ARAP1: variants seen among roughly 807,000 people sequenced by gnomAD.
ARAP1 encodes arf-GAP with Rho-GAP domain, ANK repeat and PH domain-containing protein 1.
In ARAP1, 76 loss-of-function variants were observed where a neutral mutation model predicts 172.2. The observed-to-expected ratio is 0.44, with a 90% CI of 0.37 to 0.53. ARAP1 has a LOEUF of 0.53. Among genes scored for constraint, ARAP1 ranks in the 20% least tolerant of loss-of-function variants. The pLI is 0.00. For synonymous variants in ARAP1, 804 were observed against 803.3 expected, an observed-to-expected ratio of 1.00 and a Z score of -0.01; for missense variants, 1,686 against 1,977.5, an observed-to-expected ratio of 0.85 and a Z score of 2.80.
chr11:72,703,559 TG>T (rs1482932165), intron 14 of ARAP1: 1 of 161,176 alleles, frequency 6.2e-6, no homozygotes. Context: ...CCCTGGGAGG[TG>T]GAGGCCTGAC....
chr11:72,747,012 C>A lies in ARAP1; in HGVS notation c.-128+5316G>T, dbSNP rs147003183. On this transcript the variant is annotated intron_variant, in intron 1 of 34. Transcript: ENST00000393609. ...AGGGGAGACCCTGGCACCTGGAAAG[C>A]CGAAATGCAGTGGCAGCTCAGCCTT... is the stretch of plus-strand genomic sequence containing the variant. 9.1e-3 allele frequency among the ~76,000 whole-genome samples: 1,385 copies of A among 152,316 alleles called. 10 individuals are homozygous for A. The highest frequency in any genetic ancestry group is 0.015 in the Non-Finnish European group (1,006 of 68,018).
intron 2 of ARAP1, 51 bp from the exon 3 acceptor site, chr11:72,727,223 T>C (rs1301022743): frequency 1.4e-6 from 2 of 1,410,448 alleles, no homozygotes; most frequent in African/African-American, 2.9e-5. Context: ...CGAGGATTGG[T>C]CCCCTCACCA....
At chr11:72,712,770 A>C in intron 5 of ARAP1, 1 of 784,374 alleles carries the variant, frequency 1.3e-6, no homozygotes, top group Non-Finnish European at 2.0e-6. Context: ...CCAGTGGCAG[A>C]AACCGACCTA....
chr11:72,695,569 G>A lies in ARAP1; in HGVS notation c.3480C>T (p.Arg1160=), dbSNP rs550326288. Reference sequence around the variant, plus strand: ...GGGTCCCACTGGCAGTGCCAGCCACGCGCATCTTCACAATGGCAGTGATCT... The same window carrying A: ...GGGTCCCACTGGCAGTGCCAGCCACACGCATCTTCACAATGGCAGTGATCT... ...REEITAIVKM[R]VAGTASGTQH... Residue 1160 remains arginine, a synonymous_variant, in exon 25 of 35, where the codon CGC becomes CGT. Coordinates refer to ENST00000393609, the MANE Select transcript of ARAP1 (RefSeq NM_001040118.3). The surrounding 1 kb of genome is among the most constrained non-coding windows in gnomAD (Gnocchi z 4.4). 20 of 1,614,054 alleles carry A rather than the reference G, an allele frequency of 1.2e-5. No homozygotes were observed. The highest frequency in any genetic ancestry group is 8.3e-5 in the Admixed American group (5 of 60,016).
rs1446607751 is a variant in ARAP1, at chr11:72,699,674, C to T, written c.2303-122G>A. ...TGAGCTCTTCATTCTCTCAAGTTTT[C>T]CCTAAATCCATCCACCTCTCTGCAT... On this transcript the variant is annotated intron_variant, in intron 16 of 34. Coordinates refer to ENST00000393609, the MANE Select transcript of ARAP1 (RefSeq NM_001040118.3). The surrounding 1 kb of genome is among the most constrained non-coding windows in gnomAD (Gnocchi z 4.2). The T allele has an allele frequency of 2.9e-6, 4 of 1,356,996 alleles. No homozygotes were observed. Among genetic ancestry groups the T allele is most frequent in the Non-Finnish European group, 4.0e-6 (4 of 1,008,046 alleles). The allele number at this position is 1,356,996 out of a possible 1,614,324, so 84.1% of individuals were successfully genotyped here.
rs748613613 is a variant in ARAP1 at position 72,697,089 on chromosome 11, G to A, written c.3060C>T (p.Gly1020=). The A allele has an allele frequency of 3.1e-6, 5 of 1,609,372 alleles. No homozygotes were observed. Among genetic ancestry groups the A allele is most frequent in the South Asian group, 1.1e-5 (1 of 91,086 alleles). Residue 1020 remains glycine (G), a synonymous_variant, in exon 22 of 35, where the codon GGC becomes GGT. Coordinates refer to ENST00000393609, the MANE Select transcript of ARAP1 (RefSeq NM_001040118.3). ...QDARSVHLKE[G]EQHVDDVSSA... ...AGGAAACATCATCCACGTGCTGCTC[G>A]CCCTCCTTGAGGTGCACAGAGCGCG...
intron 15 of ARAP1, among the ~76,000 whole-genome samples, chr11:72,702,340 TCCA>T (rs1367032921): frequency 1.3e-5 from 2 of 150,996 alleles, no homozygotes; most frequent in African/African-American, 4.9e-5. Context: ...GCCATTGAGC[TCCA>T]CCCTCAGTCC....
intron 5 of ARAP1, 42 bp downstream of exon 5, chr11:72,713,134 C>T: frequency 1.9e-6 from 3 of 1,606,292 alleles, no homozygotes; most frequent in East Asian, 2.2e-5. Flanking sequence ...TGGGCACCCC[C>T]ACAACACCCT....
intron 3 of ARAP1, among the ~76,000 whole-genome samples, chr11:72,723,609 G>C (rs143443227): frequency 6.6e-6 from 1 of 152,178 alleles, no homozygotes; most frequent in Admixed American, 6.5e-5. Flanking sequence ...CAGGGAGCTG[G>C]GGCGGTGAGC....
At chr11:72,712,923 G>C (rs567678119) in intron 5 of ARAP1, 36 of 596,416 alleles carry the variant, frequency 6.0e-5, no homozygotes, top group Admixed American at 2.1e-4. Context: ...CACACAGGGT[G>C]GGGGGAGGCC....
At chr11:72,747,166 C>T (rs535399268) in intron 1 of ARAP1, among the ~76,000 whole-genome samples, 1 of 152,324 alleles carries the variant, frequency 6.6e-6, no homozygotes, top group Admixed American at 6.5e-5. Flanking sequence ...TGGTTCTGCC[C>T]TGAGAATGGG....
chr11:72,693,895 CCT>C lies in ARAP1; in HGVS notation c.3695-92_3695-91del, dbSNP rs1856051633. 9.7e-7 allele frequency: 1 copy of C among 1,027,080 alleles called. No individual in the cohort carries two copies. 63.6% of individuals were successfully genotyped at this position (1,027,080 alleles called of 1,614,324 possible). On this transcript the variant is annotated intron_variant, in intron 27 of 34. Coordinates refer to ENST00000393609, the MANE Select transcript of ARAP1 (RefSeq NM_001040118.3). The surrounding 1 kb of genome is among the most constrained non-coding windows in gnomAD (Gnocchi z 4.6). ...ATGGGCACATATCACCTACACATCC[CCT>C]GTCCACTCCAACCATATGCAAGTGC...
At chr11:72,700,925 G>A (rs1034506331) in intron 16 of ARAP1, among the ~76,000 whole-genome samples, 1 of 152,192 alleles carries the variant, frequency 6.6e-6, no homozygotes, top group African/African-American at 2.4e-5. Context: ...TTGAACCCGG[G>A]AGGCAGAGGT....
At chr11:72,751,113 C>T (rs1174586366) in intron 1 of ARAP1, among the ~76,000 whole-genome samples, 4 of 152,250 alleles carry the variant, frequency 2.6e-5, no homozygotes, top group Non-Finnish European at 5.9e-5. Context: ...TCCACCTCAT[C>T]AGTCACCGGT....
Position 72,697,200 on chromosome 11 carries a change from G to A in ARAP1, c.2954-5C>T. 3 of 1,596,222 alleles carry A rather than the reference G, an allele frequency of 1.9e-6. No homozygotes were observed. The highest frequency in any genetic ancestry group is 2.6e-6 in the Non-Finnish European group (3 of 1,175,310). The stretch of plus-strand genomic sequence containing the variant: ...AGATGCCCTCGGAGGTCAGGCCTAG[G>A]GAGGGGCGGGGCCAAGCGTTCGGGG... On this transcript the variant is annotated splice_polypyrimidine_tract_variant and splice_region_variant and intron_variant, in intron 21 of 34. Transcript: ENST00000393609.
intron 3 of ARAP1, chr11:72,722,197 G>A: frequency 1.0e-6 from 1 of 985,082 alleles, no homozygotes; most frequent in Non-Finnish European, 1.2e-6. Context: ...GAGAGAGAGA[G>A]TGTGTGTGAG....
chr11:72,732,311 C>A (rs1468188973), intron 2 of ARAP1, among the ~76,000 whole-genome samples: 1 of 152,132 alleles, frequency 6.6e-6, no homozygotes, highest in African/African-American at 2.4e-5. Context: ...TGTCTCGTAC[C>A]CCCACCCTGT....
Position 72,710,683 on chromosome 11 carries a change from A to T in ARAP1, c.1214-96T>A, listed in dbSNP as rs1215495764. ...TCCTCATGCAACACCTCCTCCAGAA[A>T]GCCCACTCAGATGCCCCCATCATTT... is the stretch of plus-strand genomic sequence containing the variant. On this transcript the variant is annotated intron_variant, in intron 9 of 34. Transcript: ENST00000393609. The surrounding 1 kb of genome is among the most constrained non-coding windows in gnomAD (Gnocchi z 4.3). 2.3e-6 allele frequency: 3 copies of T among 1,297,604 alleles called. No individual in the cohort carries two copies. In the African/African-American group the frequency reaches 4.5e-5, roughly 19 times the overall value. The allele number at this position is 1,297,604 out of a possible 1,614,324, so 80.4% of individuals were successfully genotyped here. A position where few individuals can be genotyped will look rare whatever the true frequency, so the allele number is the denominator to read the frequency against.
In ARAP1 at chr11:72,702,903, A is replaced by T. The variant is rs1856560492; in HGVS notation, c.2167+2T>A. 1 of 1,552,626 alleles carries T rather than the reference A, an allele frequency of 6.4e-7. No homozygotes were observed. The highest frequency in any genetic ancestry group is 2.4e-5 in the East Asian group (1 of 41,092). On this transcript the variant is annotated splice_donor_variant, in intron 15 of 34. Coordinates refer to ENST00000393609, the MANE Select transcript of ARAP1 (RefSeq NM_001040118.3). LOFTEE classifies it high-confidence loss of function. The stretch of plus-strand genomic sequence containing the variant: ...TGGACCCCCACCCTCTGCCACGCTC[A>T]CCTGTGGTCCGGTTGTTCCGAAGGA...
Sources: allele counts gnomAD v4.1 joint callset (sites outside exome capture counted in the v4.1 genomes callset), GRCh38; gene constraint gnomAD v4.1.1; non-coding constraint Gnocchi (gnomAD v3.1); transcripts MANE v1.5; gene names NCBI Gene and HGNC (gene_info 2026-07-23, HGNC 2026-07-21).